F5: variants seen among roughly 807,000 people sequenced by gnomAD.
F5 encodes the protein activated protein c cofactor.
Under a neutral mutation model 216.4 loss-of-function variants are expected in F5, and 138 were observed. The observed-to-expected ratio is 0.64, with a 90% CI of 0.56 to 0.73. The LOEUF is 0.73. Among genes scored for constraint, F5 ranks in the 30% least tolerant of loss-of-function variants. F5 has a pLI of 0.00. For synonymous variants in F5, 916 were observed against 930.7 expected (o/e 0.98, Z 0.29); for missense variants, 2,403 against 2,674.0 (o/e 0.90, Z 2.24).
In F5 at chr1:169,560,585, C is replaced by A. The variant is rs765674227; in HGVS notation, c.555G>T (p.Gly185=). ...TACAGATAAGCAGGGGCCCAATCAG[C>A]CCCGAGTTGAAATCCTCGATCAGAT... The part of the protein sequence containing the change: ...HENLIEDFNS[G]LIGPLLICKK... The change falls in exon 4 of 25, where the codon GGG becomes GGT. Residue 185 remains glycine (G), a synonymous_variant. Coordinates refer to ENST00000367797, the MANE Select transcript of F5 (RefSeq NM_000130.5). 1 of 1,613,656 alleles carries A rather than the reference C, an allele frequency of 6.2e-7. No individual in the cohort carries two copies. The highest frequency in any genetic ancestry group is 1.7e-5 in the Admixed American group (1 of 59,976).
chr1:169,530,669 A>G (rs1659574040), intron 15 of F5, 117 bp downstream of exon 15: 3 of 914,330 alleles, frequency 3.3e-6, no homozygotes, highest in Non-Finnish European at 3.6e-6. Flanking sequence ...ACCCTTATGC[A>G]TTCCTCATGA....
Position 169,559,221 on chromosome 1 carries a change from C to G in F5, c.662G>C (p.Ser221Thr), listed in dbSNP as rs1404755160. The G allele has an allele frequency of 6.2e-7, 1 of 1,613,818 alleles. No individual in the cohort carries two copies. The change falls in exon 5 of 25, where the codon AGC becomes ACC. Residue 221 changes from serine to threonine, a missense_variant. By Grantham distance (58) the Ser-to-Thr change is moderately conservative (BLOSUM62 1). Around this residue, in one of 4 missense-constraint regions of F5, gnomAD observed 1,425 missense variants for 1,554.8 expected, o/e 0.92. Transcript: ENST00000367797. ...GGATGATGACTGGCTCCAGCTCTTG[C>G]TTTCATCAAACACAGCAAATAGTAG... is the stretch of plus-strand genomic sequence containing the variant. Reference protein sequence around the residue: ...IVLLFAVFDESKSWSQSSSLM... With the variant: ...IVLLFAVFDETKSWSQSSSLM...
rs149389480 is a variant in F5 at position 169,542,338 on chromosome 1, G to A, written c.2752C>T (p.Pro918Ser). 9.4e-5 allele frequency: 151 copies of A among 1,600,160 alleles called. No homozygotes were observed. The African/African-American group carries it at 1.8e-3, about 19-fold the overall frequency. Reference sequence around the variant, plus strand: ...TCCTTCCAGGGCCTCATTCTGGAAGGAGAACCAGTGTCTTGGCTAGGAAGG... The same window carrying A: ...TCCTTCCAGGGCCTCATTCTGGAAGAAGAACCAGTGTCTTGGCTAGGAAGG... The part of the protein sequence containing the change: ...EDLPSQDTGS[P>S]SRMRPWKDPP... Residue 918 changes from proline to serine, a missense_variant, in exon 13 of 25, where the codon CCT becomes TCT. Physicochemically the swap from Pro to Ser is moderately conservative, Grantham distance 74. Coordinates refer to ENST00000367797, the MANE Select transcript of F5 (RefSeq NM_000130.5).
At chr1:169,544,025 T>C (rs1271631719) in intron 12 of F5, among the ~76,000 whole-genome samples, 1 of 152,240 alleles carries the variant, frequency 6.6e-6, no homozygotes, top group Non-Finnish European at 1.5e-5. Context: ...TTATGCTTCT[T>C]CCTCAGAGTT....
At chr1:169,552,948 A>C (rs1248623084) in intron 7 of F5, among the ~76,000 whole-genome samples, 2 of 152,200 alleles carry the variant, frequency 1.3e-5, no homozygotes, top group Non-Finnish European at 2.9e-5. Context: ...GATAAAAGTC[A>C]TAGGTAACTG....
intron 2 of F5, among the ~76,000 whole-genome samples, chr1:169,578,658 A>G (rs1368513502): frequency 6.6e-6 from 1 of 152,210 alleles, no homozygotes; most frequent in Non-Finnish European, 1.5e-5. Context: ...ATTTAATTAA[A>G]TAGTTCTTAA....
Position 169,521,549 on chromosome 1 carries a change from C to T in F5, c.6049-885G>A, listed in dbSNP as rs201622045. ...TAAAACAGAAGATTGGAGCAGGTAT[C>T]GGTAATACTGAAAACAGAAAAACAA... On this transcript the variant is annotated intron_variant, in intron 21 of 24. Transcript: ENST00000367797. 4.0e-5 allele frequency among the ~76,000 whole-genome samples: 6 copies of T among 150,220 alleles called. No individual in the cohort carries two copies. In the South Asian group the frequency reaches 1.1e-3, roughly 27 times the overall value.
At chr1:169,580,737 T>C (rs867050791) in intron 2 of F5, among the ~76,000 whole-genome samples, 1 of 152,102 alleles carries the variant, frequency 6.6e-6, no homozygotes, top group Non-Finnish European at 1.5e-5. Context: ...TAAATAAATA[T>C]ATAAATGAAC....
At chr1:169,584,332 T>C (rs1340952268) in intron 1 of F5, among the ~76,000 whole-genome samples, 1 of 151,976 alleles carries the variant, frequency 6.6e-6, no homozygotes. Context: ...GTACGACGAG[T>C]TTTTCATTTA....
At chr1:169,514,725 T>C (rs1659119977) in intron 24 of F5, among the ~76,000 whole-genome samples, 1 of 152,062 alleles carries the variant, frequency 6.6e-6, no homozygotes, top group African/African-American at 2.4e-5. Context: ...AAAGAACACA[T>C]AGAACACTCT....
At chr1:169,531,384 C>G (rs1571566673) in intron 14 of F5, among the ~76,000 whole-genome samples, 1 of 152,328 alleles carries the variant, frequency 6.6e-6, no homozygotes, top group East Asian at 1.9e-4. Context: ...TGGGCATCCA[C>G]ACTACAAATC....
chr1:169,535,368 C>T (rs1659680116), intron 14 of F5, among the ~76,000 whole-genome samples: 1 of 151,996 alleles, frequency 6.6e-6, no homozygotes, highest in African/African-American at 2.4e-5. Flanking sequence ...GGCTTTCGTG[C>T]ATTAATTTTG....
At chr1:169,515,733 A>G (rs1296112240) in intron 23 of F5, 107 bp from the exon 24 acceptor site, 3 of 1,117,662 alleles carry the variant, frequency 2.7e-6, no homozygotes, top group Non-Finnish European at 3.9e-6. Flanking sequence ...ATTTTGTTCT[A>G]TCTTATCCCT....
chr1:169,577,991 G>C (rs1660902632), intron 2 of F5, among the ~76,000 whole-genome samples: 1 of 152,112 alleles, frequency 6.6e-6, no homozygotes, highest in African/African-American at 2.4e-5. Context: ...TAGGGGAAAG[G>C]TACAAATAAC....
In F5 at chr1:169,558,391, C is replaced by A. The variant is rs9332573; in HGVS notation, c.730+762G>T. 2.1e-3 allele frequency among the ~76,000 whole-genome samples: 326 copies of A among 152,308 alleles called. 2 individuals carry two copies. Among genetic ancestry groups the A allele is most frequent in the African/African-American group, 7.3e-3 (302 of 41,566 alleles). On this transcript the variant is annotated intron_variant, in intron 5 of 24. Transcript: ENST00000367797. ...TTTAAAAACACTACCCAGATCTCAA[C>A]TCTTAACAATATTTGTGTTTTAGTA...
intron 4 of F5, 52 bp downstream of exon 4, chr1:169,560,499 ACTC>A: frequency 4.5e-6 from 7 of 1,562,774 alleles, no homozygotes; most frequent in Non-Finnish European, 6.2e-6. Context: ...CCATGACAGA[ACTC>A]CTGACCATTC....
intron 1 of F5, among the ~76,000 whole-genome samples, chr1:169,585,399 A>G (rs1423597950): frequency 2.6e-5 from 4 of 152,214 alleles, no homozygotes; most frequent in Non-Finnish European, 4.4e-5. Context: ...AAAAAAAGTG[A>G]GTCACACTAG....
In F5 at chr1:169,586,390, T is replaced by G; in HGVS notation, c.-4A>C. ...GGCGTGGGCAGCCTGGGAACATGCT[T>G]CCTTTCCTGCTCCCGCTGGCTGCCA... On this transcript the variant is annotated 5_prime_UTR_variant, in exon 1 of 25. Coordinates refer to ENST00000367797, the MANE Select transcript of F5 (RefSeq NM_000130.5). 1 of 1,612,156 alleles carries G rather than the reference T, an allele frequency of 6.2e-7. No individual in the cohort carries two copies. The highest frequency in any genetic ancestry group is 8.5e-7 in the Non-Finnish European group (1 of 1,179,782).
chr1:169,554,454 T>G (rs1021849558), intron 7 of F5, among the ~76,000 whole-genome samples: 1 of 152,254 alleles, frequency 6.6e-6, no homozygotes, highest in African/African-American at 2.4e-5. Context: ...AGTTTTCTAC[T>G]GATGGACATT....
Sources: gnomAD v4.1 joint callset for allele counts (sites outside exome capture counted in the v4.1 genomes callset) on GRCh38, gnomAD v4.1.1 for gene constraint, gnomAD v4.1.1 regional missense constraint, MANE v1.5 for transcripts, NCBI Gene and HGNC (gene_info 2026-07-23, HGNC 2026-07-21) for gene names.